Variants in PTTG1IP observed in about 807,000 individuals in gnomAD.
PTTG1IP encodes the protein PTTG1 interacting protein, also known as pituitary tumor-transforming gene 1 protein-interacting protein.
PTTG1IP carries 16 observed loss-of-function variants against 24.4 expected under a neutral mutation model. The ratio of observed to expected loss-of-function variants is 0.66; its 90% CI spans 0.44 to 1.00. The LOEUF (loss-of-function observed/expected upper bound fraction) is 1.00, where lower values mean the gene tolerates loss of function less well. Among genes scored for constraint, PTTG1IP ranks in the 50% least tolerant of loss-of-function variants. PTTG1IP has a pLI of 0.00. For synonymous variants in PTTG1IP, 89 were observed against 96.8 expected (o/e 0.92, Z 0.47); for missense variants, 241 against 245.8 (o/e 0.98, Z 0.13).
intron 3 of PTTG1IP, among the ~76,000 whole-genome samples, chr21:44,857,710 G>T (rs2083459663): frequency 6.6e-6 from 1 of 152,212 alleles, no homozygotes; most frequent in Non-Finnish European, 1.5e-5. Context: ...GGCTCCCGCA[G>T]CCTCACCCCT....
chr21:44,870,196 TGAAAA>T (rs2083573066), intron 1 of PTTG1IP, among the ~76,000 whole-genome samples: 1 of 151,812 alleles, frequency 6.6e-6, no homozygotes, highest in African/African-American at 2.4e-5. Context: ...ACATCAAAGA[TGAAAA>T]AAGGTCATTC....
At chr21:44,865,078 T>C (rs2083028476) in intron 2 of PTTG1IP, among the ~76,000 whole-genome samples, 1 of 152,098 alleles carries the variant, frequency 6.6e-6, no homozygotes, top group Non-Finnish European at 1.5e-5. Flanking sequence ...AACCTGAGGG[T>C]GTAGCTTTGC....
intron 1 of PTTG1IP, among the ~76,000 whole-genome samples, chr21:44,870,420 A>C (rs1447128392): frequency 1.3e-5 from 2 of 149,642 alleles, no homozygotes; most frequent in African/African-American, 4.9e-5. Context: ...ATGCGCCTGT[A>C]ATCCCTGAGG....
chr21:44,859,902 C>T (rs906685644), intron 3 of PTTG1IP, among the ~76,000 whole-genome samples: 1 of 152,228 alleles, frequency 6.6e-6, no homozygotes, highest in South Asian at 2.1e-4. Flanking sequence ...CAGAGGGATC[C>T]AAGATGCAAA....
intron 2 of PTTG1IP, among the ~76,000 whole-genome samples, chr21:44,862,487 C>A (rs2083499838): frequency 6.6e-6 from 1 of 152,192 alleles, no homozygotes; most frequent in African/African-American, 2.4e-5. Context: ...CCATTGCACT[C>A]CAGCCTGGGC....
chr21:44,855,779 A>G (rs1232166361), intron 4 of PTTG1IP, among the ~76,000 whole-genome samples: 1 of 152,154 alleles, frequency 6.6e-6, no homozygotes, highest in Non-Finnish European at 1.5e-5. Flanking sequence ...AGCCCCAGCA[A>G]GCACTCAGGA....
rs372291876 is a variant in PTTG1IP, at chr21:44,853,881, C to A, written c.496+1329G>T. Among the ~76,000 whole-genome samples the A allele has an allele frequency of 9.2e-5, 14 of 152,338 alleles. No individual in the cohort carries two copies. In the South Asian group the frequency reaches 1.4e-3, roughly 16 times the overall value. ...CACTGGGCATCTCGAGGCCAGCAGCCAAGGCAGCCTCACGCCCCCAAGCCG... is the reference window on the plus strand; with the variant it reads ...CACTGGGCATCTCGAGGCCAGCAGCAAAGGCAGCCTCACGCCCCCAAGCCG... On this transcript the variant is annotated intron_variant, in intron 5 of 5. Transcript: ENST00000330938.
At chr21:44,859,782 A>G (rs1196164693) in intron 3 of PTTG1IP, among the ~76,000 whole-genome samples, 1 of 152,102 alleles carries the variant, frequency 6.6e-6, no homozygotes, top group Non-Finnish European at 1.5e-5. Context: ...CACCACACAA[A>G]CTTTTGAATT....
At chr21:44,871,234 G>A (rs765194377) in intron 1 of PTTG1IP, among the ~76,000 whole-genome samples, 4 of 145,444 alleles carry the variant, frequency 2.8e-5, no homozygotes, top group Non-Finnish European at 4.5e-5. Context: ...AGAAAGCCAC[G>A]TTTCTCAGGG....
At chr21:44,865,698 G>A in intron 1 of PTTG1IP, 1 of 583,692 alleles carries the variant, frequency 1.7e-6, no homozygotes, top group Admixed American at 3.0e-5. Context: ...CTATCCACAA[G>A]GGCTCTTCTG....
At chr21:44,870,133 G>T (rs1046487067) in intron 1 of PTTG1IP, among the ~76,000 whole-genome samples, 2 of 152,174 alleles carry the variant, frequency 1.3e-5, no homozygotes, top group African/African-American at 4.8e-5. Context: ...CAAGAACAGA[G>T]CGGGCTTTCA....
intron 2 of PTTG1IP, among the ~76,000 whole-genome samples, chr21:44,864,433 G>C (rs2083518939): frequency 1.3e-5 from 2 of 151,720 alleles, no homozygotes; most frequent in Non-Finnish European, 2.9e-5. Flanking sequence ...TTTTGCTCTT[G>C]TTGCCCAGGC....
At chr21:44,853,655 C>T (rs895804924) in intron 5 of PTTG1IP, among the ~76,000 whole-genome samples, 1 of 152,200 alleles carries the variant, frequency 6.6e-6, no homozygotes, top group African/African-American at 2.4e-5. Flanking sequence ...AGGAGGGCAA[C>T]CCTGGTGCTG....
At chr21:44,863,167 A>G (rs990620918) in intron 2 of PTTG1IP, among the ~76,000 whole-genome samples, 10 of 133,378 alleles carry the variant, frequency 7.5e-5, no homozygotes, top group South Asian at 2.5e-4. Flanking sequence ...GACACAGCCC[A>G]CCACGGCCTC....
intron 2 of PTTG1IP, among the ~76,000 whole-genome samples, chr21:44,862,869 A>G (rs989426100): frequency 1.5e-4 from 23 of 152,198 alleles, no homozygotes; most frequent in African/African-American, 5.3e-4. Context: ...GCTTGCAATT[A>G]ACGATTTTTG....
At chr21:44,857,241 C>T (rs545915471) in intron 3 of PTTG1IP, among the ~76,000 whole-genome samples, 2 of 152,338 alleles carry the variant, frequency 1.3e-5, no homozygotes, top group African/African-American at 4.8e-5. Context: ...CTTTGGGAGG[C>T]CAAATCGGGA....
intron 2 of PTTG1IP, chr21:44,861,865 C>G (rs937139891): frequency 1.4e-6 from 1 of 717,188 alleles, no homozygotes; most frequent in Admixed American, 2.0e-5. Flanking sequence ...GTTGAATGGA[C>G]TTGGGTGAGC....
At chr21:44,852,153 C>T (rs1014527632) in intron 5 of PTTG1IP, among the ~76,000 whole-genome samples, 5 of 152,088 alleles carry the variant, frequency 3.3e-5, no homozygotes, top group Non-Finnish European at 7.4e-5. Flanking sequence ...TGCAGAAACA[C>T]ACACACATAC....
chr21:44,857,303 C>T (rs1432649526), intron 3 of PTTG1IP, among the ~76,000 whole-genome samples: 1 of 152,104 alleles, frequency 6.6e-6, no homozygotes, highest in Non-Finnish European at 1.5e-5. Flanking sequence ...AAAGTGAGAC[C>T]CAGCCCTGCC....
Sources: allele counts gnomAD v4.1 joint callset (sites outside exome capture counted in the v4.1 genomes callset), GRCh38; gene constraint gnomAD v4.1.1; transcripts MANE v1.5; gene names NCBI Gene and HGNC (gene_info 2026-07-23, HGNC 2026-07-21).